SIRT2: variants seen among roughly 807,000 people sequenced by gnomAD.
SIRT2 encodes sirtuin 2.
In SIRT2, 40 loss-of-function variants were observed where a neutral mutation model predicts 57.4. The observed-to-expected ratio is 0.70, with a 90% CI of 0.54 to 0.91. SIRT2 has a LOEUF of 0.91. Ranked by LOEUF, SIRT2 falls within the 40% of genes least tolerant of loss-of-function variation. SIRT2 has a pLI of 0.00. For missense variants in SIRT2, 439 were observed against 510.4 expected (o/e 0.86, Z 1.35); for synonymous variants, 161 against 195.7 (o/e 0.82, Z 1.48).
rs1441780065 is a variant in SIRT2, at chr19:38,881,102, A to C, written c.745T>G (p.Ser249Ala). The change falls in exon 11 of 16, where the codon TCA becomes GCA. Residue 249 changes from serine to alanine, a missense_variant and splice_region_variant. Transcript: ENST00000249396. Reference protein sequence around the residue: ...LPARFFSCMQSDFLKVDLLLV... With the variant: ...LPARFFSCMQADFLKVDLLLV... ...GGGGAGGCTGGGGGGCCACTTACTG[A>C]CTGCATACAGGAGAAGAAACGCGCT... is the stretch of plus-strand genomic sequence containing the variant. The C allele has an allele frequency of 6.2e-7, 1 of 1,613,220 alleles. No individual in the cohort carries two copies. Among genetic ancestry groups the C allele is most frequent in the Non-Finnish European group, 8.5e-7 (1 of 1,179,736 alleles).
At position 38,899,584 on chromosome 19, in the gene SIRT2, G is replaced by A. The variant is rs1212137021; in HGVS notation, c.-63C>T. On this transcript the variant is annotated 5_prime_UTR_variant, in exon 1 of 16. Transcript: ENST00000249396. The stretch of plus-strand genomic sequence containing the variant: ...GCTCTGTCCCGTCACCAACCACTGT[G>A]TCCCGTCACCGACTGCTCTGTCCTG... 1.9e-6 allele frequency: 3 copies of A among 1,609,012 alleles called. No homozygotes were observed. The African/African-American group carries it at 4.0e-5, about 21-fold the overall frequency.
chr19:38,879,286 T>C lies in SIRT2; in HGVS notation c.1039A>G (p.Arg347Gly). 1 of 1,613,368 alleles carries C rather than the reference T, an allele frequency of 6.2e-7. No individual in the cohort carries two copies. Among genetic ancestry groups the C allele is most frequent in the Non-Finnish European group, 8.5e-7 (1 of 1,179,846 alleles). The change falls in exon 16 of 16, where the codon AGG becomes GGG. Residue 347 changes from arginine to glycine, a missense_variant. By Grantham distance (125) the Arg-to-Gly change is moderately radical. Transcript: ENST00000249396. ...TGGGCATCTATGCTGGCGTGCTCCC[T>C]CCGGACAAGGTCCTCCAGCTCCTTC... ...WKKELEDLVR[R>G]EHASIDAQSG...
At chr19:38,894,505 C>T (rs887557635) in intron 2 of SIRT2, 12 of 263,424 alleles carry the variant, frequency 4.6e-5, no homozygotes, top group Non-Finnish European at 6.0e-5. Context: ...GCTTGGTAAG[C>T]GCTGGCTGTT....
At chr19:38,882,614 T>A (rs1192103761) in intron 9 of SIRT2, among the ~76,000 whole-genome samples, 2 of 149,124 alleles carry the variant, frequency 1.3e-5, no homozygotes, top group African/African-American at 5.0e-5. Flanking sequence ...CCAGCCTGGG[T>A]GACAGAGCAA....
intron 4 of SIRT2, among the ~76,000 whole-genome samples, chr19:38,892,395 CA>C (rs563077354): frequency 1.7e-3 from 213 of 126,436 alleles, no homozygotes; most frequent in East Asian, 4.5e-3. Context: ...GACTCCATCT[CA>C]AAAAAAAAAA....
intron 8 of SIRT2, among the ~76,000 whole-genome samples, chr19:38,885,868 T>C (rs1353509352): frequency 2.6e-5 from 4 of 152,052 alleles, no homozygotes; most frequent in East Asian, 1.9e-4. Context: ...GGATTACAGG[T>C]GTGAGCCACT....
At chr19:38,879,602 A>G in intron 14 of SIRT2, 30 bp downstream of exon 14, 3 of 1,559,770 alleles carry the variant, frequency 1.9e-6, no homozygotes, top group Non-Finnish European at 2.6e-6. Flanking sequence ...TGTCCCTTCC[A>G]GGCTGCCCCA....
chr19:38,879,217 T>C lies in SIRT2; in HGVS notation c.1108A>G (p.Lys370Glu). ...VPNPSTSASPKKSPPPAKDEA... is the reference protein window; with the variant it reads ...VPNPSTSASPEKSPPPAKDEA... Reference sequence around the variant, plus strand: ...TCCTTGGCAGGTGGCGGGGACTTCTTGGGGGAAGCTGAAGTGCTGGGGTTG... The same window carrying C: ...TCCTTGGCAGGTGGCGGGGACTTCTCGGGGGAAGCTGAAGTGCTGGGGTTG... The change falls in exon 16 of 16, where the codon AAG becomes GAG. Residue 370 changes from lysine (K) to glutamate (E), a missense_variant. By Grantham distance (56) the Lys-to-Glu change is moderately conservative. Transcript: ENST00000249396. 6.3e-7 allele frequency: 1 copy of C among 1,592,648 alleles called. No homozygotes were observed. The highest frequency in any genetic ancestry group is 1.1e-5 in the South Asian group (1 of 88,414).
At chr19:38,892,534 G>C (rs1450525718) in intron 4 of SIRT2, among the ~76,000 whole-genome samples, 1 of 152,118 alleles carries the variant, frequency 6.6e-6, no homozygotes, top group East Asian at 1.9e-4. Context: ...TCCAGGCCCT[G>C]CTCTAAGCAT....
intron 9 of SIRT2, among the ~76,000 whole-genome samples, chr19:38,883,133 T>C (rs1041579526): frequency 1.4e-5 from 2 of 145,168 alleles, no homozygotes; most frequent in Non-Finnish European, 3.0e-5. Flanking sequence ...CAAGCTGGAG[T>C]GCAATGGTGC....
chr19:38,896,877 G>T (rs1319341862), intron 2 of SIRT2, among the ~76,000 whole-genome samples: 1 of 152,180 alleles, frequency 6.6e-6, no homozygotes, highest in African/African-American at 2.4e-5. Flanking sequence ...CACTCTTTCA[G>T]GCTGTACACA....
chr19:38,880,946 C>G lies in SIRT2; in HGVS notation c.748-49G>C. 1 of 1,582,920 alleles carries G rather than the reference C, an allele frequency of 6.3e-7. No individual in the cohort carries two copies. The highest frequency in any genetic ancestry group is 8.7e-7 in the Non-Finnish European group (1 of 1,153,818). Reference sequence around the variant, plus strand: ...GGAGCCTCCGCCCAGGCTGCGCCACCGCTCCCTCCCCCGCCCCCAGCAGCA... The same window carrying G: ...GGAGCCTCCGCCCAGGCTGCGCCACGGCTCCCTCCCCCGCCCCCAGCAGCA... On this transcript the variant is annotated intron_variant, in intron 11 of 15. Coordinates refer to ENST00000249396, the MANE Select transcript of SIRT2 (RefSeq NM_012237.4). The surrounding 1 kb of genome is among the most constrained non-coding windows in gnomAD (Gnocchi z 4.1).
chr19:38,891,256 G>T (rs1488689218), intron 4 of SIRT2, among the ~76,000 whole-genome samples: 1 of 152,148 alleles, frequency 6.6e-6, no homozygotes, highest in East Asian at 1.9e-4. Context: ...TGGTTAAAAA[G>T]AAATTTTTAG....
intron 1 of SIRT2, 85 bp downstream of exon 1, chr19:38,899,421 C>G: frequency 6.6e-7 from 1 of 1,511,842 alleles, no homozygotes; most frequent in South Asian, 1.1e-5. Context: ...CCCGCCCCAC[C>G]GCGGCCACCC....
At chr19:38,888,398 CCT>C (rs1973410050) in intron 8 of SIRT2, among the ~76,000 whole-genome samples, 1 of 151,702 alleles carries the variant, frequency 6.6e-6, no homozygotes, top group African/African-American at 2.4e-5. Context: ...GTCCCAAACG[CCT>C]GGGCTCGAGC....
Position 38,880,715 on chromosome 19 carries a change from G to A in SIRT2, c.846C>T (p.Arg282=). 1.3e-6 allele frequency: 2 copies of A among 1,596,748 alleles called. No homozygotes were observed. The highest frequency in any genetic ancestry group is 1.7e-6 in the Non-Finnish European group (2 of 1,168,562). Residue 282 remains arginine, a synonymous_variant, in exon 13 of 16, where the codon CGC becomes CGT. Coordinates refer to ENST00000249396, the MANE Select transcript of SIRT2 (RefSeq NM_012237.4). The surrounding 1 kb of genome is among the most constrained non-coding windows in gnomAD (Gnocchi z 4.1). The part of the protein sequence containing the change: ...LISKAPLSTP[R]LLINKEKAGQ... Reference sequence around the variant, plus strand: ...CAGCTTTCTCCTTGTTGATGAGCAGGCGAGGGGTGGAGAGGGGTGCCCTGT... The same window carrying A: ...CAGCTTTCTCCTTGTTGATGAGCAGACGAGGGGTGGAGAGGGGTGCCCTGT...
intron 8 of SIRT2, among the ~76,000 whole-genome samples, chr19:38,886,011 T>C (rs1462267988): frequency 6.6e-6 from 1 of 152,194 alleles, no homozygotes; most frequent in Non-Finnish European, 1.5e-5. Context: ...GCAGCTGTTG[T>C]TTGCCTGTGA....
At chr19:38,893,111 G>A (rs766172698) in intron 4 of SIRT2, among the ~76,000 whole-genome samples, 13 of 152,048 alleles carry the variant, frequency 8.5e-5, no homozygotes, top group Non-Finnish European at 1.8e-4. Context: ...GTGCTCTCTC[G>A]GTGGCAGCTC....
chr19:38,882,220 G>A (rs1047473113), intron 9 of SIRT2, among the ~76,000 whole-genome samples: 1 of 151,882 alleles, frequency 6.6e-6, no homozygotes. Flanking sequence ...TCCCTATGTT[G>A]CCCAGGCTGT....
Sources: gnomAD v4.1 joint callset for allele counts (sites outside exome capture counted in the v4.1 genomes callset) on GRCh38, gnomAD v4.1.1 for gene constraint, Gnocchi (gnomAD v3.1) non-coding constraint, MANE v1.5 for transcripts, NCBI Gene and HGNC (gene_info 2026-07-23, HGNC 2026-07-21) for gene names.